The following APOC4 variants were observed in gnomAD, a reference collection of about 807,000 sequenced individuals.
APOC4 encodes apolipoprotein C-IV.
In APOC4, 10 loss-of-function variants were observed where a neutral mutation model predicts 8.4. The ratio of observed to expected loss-of-function variants is 1.19; its 90% CI spans 0.74 to 2.03. The LOEUF is 2.03. Ranked by LOEUF, APOC4 falls within the 30% of genes most tolerant of loss-of-function variation. The probability of loss-of-function intolerance (pLI) is 0.00; values close to 1 mark genes in which losing one functional copy is unlikely to be tolerated. For synonymous variants in APOC4, 59 were observed against 65.8 expected, an observed-to-expected ratio of 0.90 and a Z score of 0.50; for missense variants, 160 against 156.1, an observed-to-expected ratio of 1.02 and a Z score of -0.13.
In APOC4 at chr19:44,942,459, G is replaced by A. The variant is rs573309783; in HGVS notation, c.76+106G>A. 46 of 1,135,064 alleles carry A rather than the reference G, an allele frequency of 4.1e-5. 3 individuals are homozygous for A. The East Asian group carries it at 6.2e-4, about 15-fold the overall frequency. The allele number at this position is 1,135,064 out of a possible 1,614,324, so 70.3% of individuals were successfully genotyped here. ...CACGTGAGACATGAGTACGGAGTGT[G>A]TGCGTTTCATGGCGTGCGTATGCAT... On this transcript the variant is annotated intron_variant, in intron 1 of 2. Transcript: ENST00000592954.
Position 44,945,261 on chromosome 19 carries a change from A to T in APOC4, c.340A>T (p.Ser114Cys). The change falls in exon 3 of 3, where the codon AGC becomes TGC. Residue 114 changes from serine to cysteine, a missense_variant. By Grantham distance (112) the Ser-to-Cys change is moderately radical. Transcript: ENST00000592954. The stretch of plus-strand genomic sequence containing the variant: ...AGACAGCCTCTTGAAGAAGACCCAC[A>T]GCCTGTGCCCCAGGCTTGTCTGTGG... ...SKDSLLKKTH[S>C]LCPRLVCGDK... The T allele has an allele frequency of 6.2e-7, 1 of 1,614,030 alleles. No individual in the cohort carries two copies.
chr19:44,942,288 T>C lies in APOC4; in HGVS notation c.11T>C (p.Leu4Pro). 1.9e-6 allele frequency: 3 copies of C among 1,612,120 alleles called. No homozygotes were observed. The highest frequency in any genetic ancestry group is 2.5e-6 in the Non-Finnish European group (3 of 1,179,140). ...ACGGAACCCCCAGAAATGTCCCTCC[T>C]CAGAAACAGGCTCCAGGCCCTGCCT... Reference protein sequence around the residue: MSLLRNRLQALPAL... With the variant: MSLPRNRLQALPAL... The change falls in exon 1 of 3, where the codon CTC becomes CCC. Residue 4 changes from leucine (L) to proline (P), a missense_variant. Leu to Pro is a moderately conservative substitution (Grantham distance 98, BLOSUM62 -3). Coordinates refer to ENST00000592954, the MANE Select transcript of APOC4 (RefSeq NM_001646.3).
chr19:44,942,861 A>G (rs1168526481), intron 1 of APOC4, among the ~76,000 whole-genome samples: 1 of 150,138 alleles, frequency 6.7e-6, no homozygotes, highest in African/African-American at 2.5e-5. Flanking sequence ...ACCCGTTTCA[A>G]GGGATTCTCC....
In APOC4 at chr19:44,942,356, GAGA is replaced by G. The variant is rs1312494955; in HGVS notation, c.76+9_76+11del. On this transcript the variant is annotated splice_donor_5th_base_variant and intron_variant, in intron 1 of 2. Transcript: ENST00000592954. ...GCTGGTCCTGGCCTGCATTGGGGGT[GAGA>G]AGAAGTGGGTGGAGGGATGTGGGGC... 8 of 1,613,158 alleles carry G rather than the reference GAGA, an allele frequency of 5.0e-6. No individual in the cohort carries two copies. The highest frequency in any genetic ancestry group is 2.2e-5 in the East Asian group (1 of 44,860).
At position 44,944,871 on chromosome 19, in the gene APOC4, G is replaced by A. The variant is rs764950395; in HGVS notation, c.199G>A (p.Asp67Asn). ...GGAGACAGTGGTGAACAGGACCAGA[G>A]ACGGGTGGCAATGGTTCTGGTGAGG... ...LLETVVNRTR[D>N]GWQWFWSPST... The change falls in exon 2 of 3, where the codon GAC (aspartate) becomes AAC (asparagine). Residue 67 changes from aspartate to asparagine, a missense_variant. Coordinates refer to ENST00000592954, the MANE Select transcript of APOC4 (RefSeq NM_001646.3). 8 of 1,607,054 alleles carry A rather than the reference G, an allele frequency of 5.0e-6. No individual in the cohort carries two copies. The African/African-American group carries it at 1.1e-4, about 21-fold the overall frequency.
intron 1 of APOC4, among the ~76,000 whole-genome samples, chr19:44,944,082 C>A (rs1272090013): frequency 6.6e-6 from 1 of 152,106 alleles, no homozygotes; most frequent in African/African-American, 2.4e-5. Context: ...GTAGCTCAGA[C>A]AGGGTGGGGG....
At chr19:44,942,685 TTGAG>T (rs1363796651) in intron 1 of APOC4, among the ~76,000 whole-genome samples, 1 of 151,952 alleles carries the variant, frequency 6.6e-6, no homozygotes, top group Non-Finnish European at 1.5e-5. Flanking sequence ...TGCAAAATAT[TTGAG>T]TGTGTGGACA....
In APOC4 at chr19:44,945,382, G is replaced by A. The variant is rs1217360101; in HGVS notation, c.*77G>A. ...ACTCAGGAGGCTGAGGTAGGATGAT[G>A]GCTTGAGCCCAGGAGTTCGAGACCA... On this transcript the variant is annotated 3_prime_UTR_variant, in exon 3 of 3. Coordinates refer to ENST00000592954, the MANE Select transcript of APOC4 (RefSeq NM_001646.3). 2 of 1,489,368 alleles carry A rather than the reference G, an allele frequency of 1.3e-6. No individual in the cohort carries two copies. Among genetic ancestry groups the A allele is most frequent in the Non-Finnish European group, 1.8e-6 (2 of 1,104,156 alleles). The allele number at this position is 1,489,368 out of a possible 1,614,324, so 92.3% of individuals were successfully genotyped here. A position where few individuals can be genotyped will look rare whatever the true frequency, so the allele number is the denominator to read the frequency against.
intron 1 of APOC4, among the ~76,000 whole-genome samples, chr19:44,944,389 T>C (rs945591173): frequency 1.3e-5 from 2 of 151,856 alleles, no homozygotes; most frequent in African/African-American, 4.8e-5. Flanking sequence ...TAGCCGGGCA[T>C]GATGGCAGAT....
rs751195283 is a variant in APOC4, at chr19:44,945,188, C to T, written c.267C>T (p.His89=). ...TCATGCAGACCTACTATGACGACCA[C>T]CTGAGGGACCTGGGTCCGCTCACCA... is the stretch of plus-strand genomic sequence containing the variant. ...RGFMQTYYDD[H]LRDLGPLTKA... Residue 89 remains histidine, a synonymous_variant, in exon 3 of 3, where the codon CAC becomes CAT. Coordinates refer to ENST00000592954, the MANE Select transcript of APOC4 (RefSeq NM_001646.3). 7 of 1,614,076 alleles carry T rather than the reference C, an allele frequency of 4.3e-6. No homozygotes were observed. The South Asian group carries it at 7.7e-5, about 18-fold the overall frequency.
chr19:44,943,233 A>AT (rs1424811571), intron 1 of APOC4, among the ~76,000 whole-genome samples: 2 of 151,484 alleles, frequency 1.3e-5, no homozygotes, highest in Non-Finnish European at 1.5e-5. Context: ...TGCCTGGCTA[A>AT]TTTTTTTATA....
intron 1 of APOC4, among the ~76,000 whole-genome samples, chr19:44,943,726 G>GA (rs569505878): frequency 0.013 from 1,782 of 139,884 alleles, 31 homozygotes; most frequent in African/African-American, 0.038. Context: ...GACTCCGTCT[G>GA]AAAAAAAAAA....
Position 44,944,792 on chromosome 19 carries a change from A to C in APOC4, c.120A>C (p.Pro40=). Residue 40 remains proline (P), a synonymous_variant, in exon 2 of 3, where the codon CCA becomes CCC. Coordinates refer to ENST00000592954, the MANE Select transcript of APOC4 (RefSeq NM_001646.3). ...AGGAAGGAACCCTGAGCCCCCCACC[A>C]AAGCTAAAGATGAGTCGCTGGAGCC... ...EAQEGTLSPP[P]KLKMSRWSLV... The C allele has an allele frequency of 6.2e-7, 1 of 1,611,994 alleles. No individual in the cohort carries two copies. The highest frequency in any genetic ancestry group is 8.5e-7 in the Non-Finnish European group (1 of 1,179,344).
intron 1 of APOC4, among the ~76,000 whole-genome samples, chr19:44,943,959 G>C (rs148564866): frequency 1.2e-3 from 188 of 152,308 alleles, no homozygotes; most frequent in African/African-American, 4.3e-3. Flanking sequence ...GCTTTGTCCA[G>C]ATGCGTGGGT....
chr19:44,944,259 C>T (rs1454455351), intron 1 of APOC4, among the ~76,000 whole-genome samples: 2 of 152,034 alleles, frequency 1.3e-5, no homozygotes, highest in South Asian at 2.1e-4. Context: ...CCCAGCCGGA[C>T]GGGGTGGCTC....
Position 44,945,422 on chromosome 19 carries a change from G to A in APOC4, c.*117G>A, listed in dbSNP as rs1970308033. ...GTTCGAGACCAGCCTGGGCAACACA[G>A]CGAGATCTCTTGGGGGTAAAACAAA... is the stretch of plus-strand genomic sequence containing the variant. On this transcript the variant is annotated 3_prime_UTR_variant, in exon 3 of 3. Coordinates refer to ENST00000592954, the MANE Select transcript of APOC4 (RefSeq NM_001646.3). The A allele has an allele frequency of 2.0e-5, 20 of 1,012,398 alleles. No homozygotes were observed. The highest frequency in any genetic ancestry group is 2.6e-5 in the Non-Finnish European group (18 of 695,526). 62.7% of individuals were successfully genotyped at this position (1,012,398 alleles called of 1,614,324 possible).
At chr19:44,942,475 G>A (rs1970269666) in intron 1 of APOC4, 122 bp downstream of exon 1, 1 of 864,580 alleles carries the variant, frequency 1.2e-6, no homozygotes, top group African/African-American at 1.7e-5. Flanking sequence ...TTCATGGCGT[G>A]CGTATGCATG....
intron 2 of APOC4, 95 bp from the exon 3 acceptor site, chr19:44,945,045 C>T: frequency 6.5e-7 from 1 of 1,536,710 alleles, no homozygotes; most frequent in Non-Finnish European, 8.8e-7. Flanking sequence ...GAGCTGAGAG[C>T]AGGAACTCCT....
chr19:44,944,260 G>A (rs982688854), intron 1 of APOC4, among the ~76,000 whole-genome samples: 3 of 152,226 alleles, frequency 2.0e-5, no homozygotes, highest in Admixed American at 1.3e-4. Context: ...CCAGCCGGAC[G>A]GGGTGGCTCA....
Sources: gnomAD v4.1 joint callset for allele counts (sites outside exome capture counted in the v4.1 genomes callset) on GRCh38, gnomAD v4.1.1 for gene constraint, MANE v1.5 for transcripts, NCBI Gene and HGNC (gene_info 2026-07-23, HGNC 2026-07-21) for gene names.